The following CRB1 variants were observed in gnomAD, a reference collection of about 807,000 sequenced individuals.
CRB1 encodes the protein crumbs cell polarity complex component 1.
CRB1 carries 83 observed loss-of-function variants against 120.0 expected under a neutral mutation model. The ratio of observed to expected loss-of-function variants is 0.69; its 90% CI spans 0.58 to 0.83. The LOEUF (loss-of-function observed/expected upper bound fraction) is 0.83. CRB1 is among the 40% of genes least tolerant of loss of function. CRB1 has a pLI of 0.00. For missense variants in CRB1, 1,699 were observed against 1,687.6 expected, an observed-to-expected ratio of 1.01 and a Z score of -0.12; for synonymous variants, 625 against 612.5, an observed-to-expected ratio of 1.02 and a Z score of -0.30.
chr1:197,419,992 A>C (rs1042641230), intron 5 of CRB1, among the ~76,000 whole-genome samples: 5 of 77,088 alleles, frequency 6.5e-5, no homozygotes, highest in South Asian at 9.5e-4. Flanking sequence ...AAAACGAAAA[A>C]AAAAAAACAA....
At chr1:197,322,019 C>T (rs1249692440) in intron 1 of CRB1, among the ~76,000 whole-genome samples, 1 of 152,064 alleles carries the variant, frequency 6.6e-6, no homozygotes, top group East Asian at 1.9e-4. Context: ...GTTCTCTGTA[C>T]AAAAATGCGA....
intron 4 of CRB1, among the ~76,000 whole-genome samples, chr1:197,356,278 T>A (rs2786099): frequency 0.056 from 8,525 of 152,318 alleles, 846 homozygotes; most frequent in African/African-American, 0.19. Flanking sequence ...TGATATTTAA[T>A]GTTTTAATTA....
chr1:197,450,343 G>A (rs1665898556), intron 11 of CRB1, among the ~76,000 whole-genome samples: 1 of 152,096 alleles, frequency 6.6e-6, no homozygotes, highest in African/African-American at 2.4e-5. Context: ...TTTTACTTCT[G>A]GGCACTACAT....
the CRB1 span, among the ~76,000 whole-genome samples, chr1:197,221,132 A>G: frequency 6.9e-3 from 1,052 of 152,292 alleles, 11 homozygotes; most frequent in African/African-American, 0.023. Flanking sequence ...ATAGAGTATA[A>G]TTAGGAAAAT....
the CRB1 span, among the ~76,000 whole-genome samples, chr1:197,253,254 G>T: frequency 6.6e-6 from 1 of 151,840 alleles, no homozygotes; most frequent in South Asian, 2.1e-4. Context: ...TTTTTCCCCT[G>T]GGCCTTGAAT....
chr1:197,435,360 C>T lies in CRB1; in HGVS notation c.3497C>T (p.Pro1166Leu). The change falls in exon 9 of 12, where the codon CCC (proline) becomes CTC (leucine). Residue 1166 changes from proline (P) to leucine (L), a missense_variant. Physicochemically the swap from Pro to Leu is moderately conservative, Grantham distance 98. Coordinates refer to ENST00000367400, the MANE Select transcript of CRB1 (RefSeq NM_201253.3). ...TATAGCTCTTATCATTGCTCCTGTC[C>T]CTTGGGATGGTCAGGGAAACACTGT... ...DIYSSYHCSC[P>L]LGWSGKHCEL... 6.2e-7 allele frequency: 1 copy of T among 1,612,960 alleles called. No homozygotes were observed. The highest frequency in any genetic ancestry group is 8.5e-7 in the Non-Finnish European group (1 of 1,179,358).
At chr1:197,327,538 T>TAC (rs947658010) in intron 1 of CRB1, among the ~76,000 whole-genome samples, 8 of 152,086 alleles carry the variant, frequency 5.3e-5, no homozygotes, top group East Asian at 1.9e-4. Context: ...CACAGATGCA[T>TAC]ACACACACAC....
At chr1:197,290,294 G>C (rs1331875804) in intron 1 of CRB1, among the ~76,000 whole-genome samples, 3 of 150,986 alleles carry the variant, frequency 2.0e-5, no homozygotes, top group Non-Finnish European at 4.4e-5. Context: ...GTGTGTGTGT[G>C]TGTGTGTGTG....
chr1:197,454,241 T>C (rs970611855), intron 11 of CRB1, among the ~76,000 whole-genome samples: 9 of 149,280 alleles, frequency 6.0e-5, no homozygotes, highest in African/African-American at 2.2e-4. Flanking sequence ...CAGAATCTTA[T>C]GTAAAATGAT....
At chr1:197,338,894 T>A (rs1214806660) in intron 2 of CRB1, among the ~76,000 whole-genome samples, 2 of 152,194 alleles carry the variant, frequency 1.3e-5, no homozygotes, top group Non-Finnish European at 2.9e-5. Flanking sequence ...ATTATTTGGT[T>A]AAGTTGTAAC....
intron 5 of CRB1, chr1:197,363,998 G>C: frequency 7.2e-7 from 1 of 1,387,134 alleles, no homozygotes; most frequent in Non-Finnish European, 1.0e-6. Flanking sequence ...GAAAAGTGCC[G>C]GCGGATCTAC....
At chr1:197,454,725 G>A (rs1365760625) in intron 11 of CRB1, among the ~76,000 whole-genome samples, 1 of 152,170 alleles carries the variant, frequency 6.6e-6, no homozygotes. Context: ...TTTGTTAGCT[G>A]TCAAATCAAT....
At chr1:197,357,439 C>A in intron 5 of CRB1, 1 of 242,542 alleles carries the variant, frequency 4.1e-6, no homozygotes, top group Non-Finnish European at 8.2e-6. Context: ...CTCAACGATT[C>A]TGTAGCTAAA....
chr1:197,255,808 T>C, the CRB1 span, among the ~76,000 whole-genome samples: 1 of 151,614 alleles, frequency 6.6e-6, no homozygotes, highest in Non-Finnish European at 1.5e-5. Context: ...AGCACTGATG[T>C]GGATTAAGTA....
the CRB1 span, among the ~76,000 whole-genome samples, chr1:197,215,882 C>T: frequency 6.6e-6 from 1 of 152,200 alleles, no homozygotes; most frequent in African/African-American, 2.4e-5. Flanking sequence ...ATATCAATGA[C>T]ATATGTCAAT....
At chr1:197,284,546 C>G (rs1195036120) in intron 1 of CRB1, among the ~76,000 whole-genome samples, 1 of 151,902 alleles carries the variant, frequency 6.6e-6, no homozygotes, top group Non-Finnish European at 1.5e-5. Flanking sequence ...GTTACACATG[C>G]TTAGTCATTT....
chr1:197,268,136 G>A (rs748843277), upstream of CRB1: 3 of 417,114 alleles, frequency 7.2e-6, no homozygotes, highest in Non-Finnish European at 1.3e-5. Flanking sequence ...TCGCAGCAAA[G>A]GCTTGAGGGG....
the CRB1 span, among the ~76,000 whole-genome samples, chr1:197,230,465 A>G: frequency 6.6e-6 from 1 of 151,868 alleles, no homozygotes. Flanking sequence ...TTTTTTTTCT[A>G]TTTTATGGGA....
the CRB1 span, among the ~76,000 whole-genome samples, chr1:197,241,738 C>T: frequency 2.0e-4 from 30 of 149,514 alleles, no homozygotes; most frequent in East Asian, 6.1e-4. Flanking sequence ...ACAAAGTCAA[C>T]GGTAGCTTGA....
Sources: gnomAD v4.1 joint callset for allele counts (sites outside exome capture counted in the v4.1 genomes callset) on GRCh38, gnomAD v4.1.1 for gene constraint, MANE v1.5 for transcripts, NCBI Gene and HGNC (gene_info 2026-07-23, HGNC 2026-07-21) for gene names.